LDB2: variants seen among roughly 807,000 people sequenced by gnomAD.
LDB2 encodes the protein LIM domain-binding protein 2.
Under a neutral mutation model 44.3 loss-of-function variants are expected in LDB2, and 12 were observed. The observed-to-expected ratio is 0.27, with a 90% CI of 0.17 to 0.44. The LOEUF (loss-of-function observed/expected upper bound fraction) is 0.44, where lower values mean the gene tolerates loss of function less well. LDB2 is among the 20% of genes least tolerant of loss of function. The pLI, the probability that LDB2 is intolerant of heterozygous loss-of-function variation, is 1.00. For synonymous variants in LDB2, 164 were observed against 174.8 expected, an observed-to-expected ratio of 0.94 and a Z score of 0.49; for missense variants, 344 against 473.5, an observed-to-expected ratio of 0.73 and a Z score of 2.54.
intron 2 of LDB2, among the ~76,000 whole-genome samples, chr4:16,631,282 A>C (rs562968911): frequency 6.6e-6 from 1 of 152,312 alleles, no homozygotes; most frequent in East Asian, 1.9e-4. Flanking sequence ...TAAGAAACTC[A>C]CTCGAAACCA....
chr4:16,823,495 A>C (rs911169836), intron 1 of LDB2, among the ~76,000 whole-genome samples: 2 of 151,492 alleles, frequency 1.3e-5, no homozygotes, highest in Non-Finnish European at 1.5e-5. Flanking sequence ...TTTTAAGTAC[A>C]TTTTTTTTTA....
rs575652563 is a variant in LDB2, at chr4:16,891,407, G to C, written c.132+6947C>G. Among the ~76,000 whole-genome samples the C allele has an allele frequency of 4.7e-4, 69 of 147,056 alleles. 1 individual carries two copies. In the South Asian group the frequency reaches 0.012, roughly 25 times the overall value. On this transcript the variant is annotated intron_variant, in intron 1 of 7. Coordinates refer to ENST00000304523, the MANE Select transcript of LDB2 (RefSeq NM_001290.5). ...GGCTCACTGCAGCCTCCGTCTCCCA[G>C]GTTCAAACAATTCTCCTGCCTCAGC... is the stretch of plus-strand genomic sequence containing the variant.
chr4:16,573,432 A>C (rs1185294494), intron 5 of LDB2, among the ~76,000 whole-genome samples: 1 of 152,166 alleles, frequency 6.6e-6, no homozygotes, highest in Non-Finnish European at 1.5e-5. Flanking sequence ...GAGATGAGTC[A>C]TGCACTCCCA....
chr4:16,766,183 T>C (rs553952079), intron 1 of LDB2, among the ~76,000 whole-genome samples: 8 of 152,216 alleles, frequency 5.3e-5, no homozygotes, highest in South Asian at 4.1e-4. Flanking sequence ...CCTCCATAAA[T>C]AACTGTCTCA....
chr4:16,579,699 CAT>C (rs770695266), intron 5 of LDB2, among the ~76,000 whole-genome samples: 6 of 152,138 alleles, frequency 3.9e-5, no homozygotes, highest in Admixed American at 6.5e-5. Flanking sequence ...AAATGAATCA[CAT>C]GTTTTTTTCT....
intron 1 of LDB2, among the ~76,000 whole-genome samples, chr4:16,826,911 A>G (rs937844316): frequency 2.0e-5 from 3 of 152,184 alleles, no homozygotes; most frequent in Admixed American, 2.0e-4. Context: ...AACTGCAACA[A>G]CTCGGCGGGT....
At position 16,656,768 on chromosome 4, in the gene LDB2, T is replaced by C. The variant is rs149877934; in HGVS notation, c.236-60893A>G. ...TTGATTCAGCGTGATTTTTTTTCTT[T>C]GTACTATATAACATTGTAATGTGCT... is the stretch of plus-strand genomic sequence containing the variant. On this transcript the variant is annotated intron_variant, in intron 2 of 7. Coordinates refer to ENST00000304523, the MANE Select transcript of LDB2 (RefSeq NM_001290.5). 3.4e-3 allele frequency among the ~76,000 whole-genome samples: 519 copies of C among 152,336 alleles called. 3 individuals are homozygous for C. The highest frequency in any genetic ancestry group is 0.012 in the African/African-American group (504 of 41,580).
At chr4:16,538,455 T>A (rs902730071) in intron 5 of LDB2, among the ~76,000 whole-genome samples, 10 of 122,974 alleles carry the variant, frequency 8.1e-5, no homozygotes, top group African/African-American at 2.9e-4. Context: ...CAAAACACAA[T>A]GACCAAGATT....
intron 1 of LDB2, among the ~76,000 whole-genome samples, chr4:16,885,649 C>T (rs1721446968): frequency 6.6e-6 from 1 of 152,186 alleles, no homozygotes; most frequent in South Asian, 2.1e-4. Flanking sequence ...AACATTAATT[C>T]AAGCTTCCTC....
At chr4:16,504,954 A>G (rs1182638453) in intron 7 of LDB2, among the ~76,000 whole-genome samples, 1 of 152,234 alleles carries the variant, frequency 6.6e-6, no homozygotes, top group African/African-American at 2.4e-5. Flanking sequence ...ATGTTAACCA[A>G]CCAAGTGGGT....
At chr4:16,849,592 C>T (rs1787782196) in intron 1 of LDB2, among the ~76,000 whole-genome samples, 4 of 152,186 alleles carry the variant, frequency 2.6e-5, no homozygotes, top group Non-Finnish European at 5.9e-5. Flanking sequence ...TCCTTCAAAT[C>T]CCTCTGGTCC....
At chr4:16,808,793 G>A (rs184224054) in intron 1 of LDB2, among the ~76,000 whole-genome samples, 16 of 152,268 alleles carry the variant, frequency 1.1e-4, no homozygotes, top group Admixed American at 2.6e-4. Flanking sequence ...TATCAGAACA[G>A]TGTTTTGCAT....
At chr4:16,702,205 G>GA (rs1021245621) in intron 2 of LDB2, among the ~76,000 whole-genome samples, 23 of 152,146 alleles carry the variant, frequency 1.5e-4, no homozygotes, top group African/African-American at 5.5e-4. Flanking sequence ...AGATCAGAAG[G>GA]AAAAAACATC....
intron 5 of LDB2, among the ~76,000 whole-genome samples, chr4:16,518,741 G>A (rs1419773287): frequency 2.6e-5 from 4 of 152,176 alleles, no homozygotes; most frequent in East Asian, 1.9e-4. Context: ...GACTTGTTAC[G>A]TCTCCATAAT....
chr4:16,890,353 G>T (rs570472597), intron 1 of LDB2, among the ~76,000 whole-genome samples: 1 of 152,182 alleles, frequency 6.6e-6, no homozygotes, highest in Admixed American at 6.5e-5. Flanking sequence ...AGATGGAAAG[G>T]GGGGGCACGG....
At chr4:16,535,860 C>T (rs1465175891) in intron 5 of LDB2, among the ~76,000 whole-genome samples, 1 of 152,024 alleles carries the variant, frequency 6.6e-6, no homozygotes, top group Non-Finnish European at 1.5e-5. Flanking sequence ...TTTCTATGGT[C>T]CCAAGTAAGA....
intron 2 of LDB2, among the ~76,000 whole-genome samples, chr4:16,708,913 C>T (rs999845774): frequency 3.3e-5 from 5 of 152,098 alleles, no homozygotes; most frequent in Admixed American, 6.6e-5. Flanking sequence ...CCTCACTCTG[C>T]AGGTCTCTAC....
rs990344234 is a variant in LDB2, at chr4:16,674,375, T to C, written c.236-78500A>G. On this transcript the variant is annotated intron_variant, in intron 2 of 7. Coordinates refer to ENST00000304523, the MANE Select transcript of LDB2 (RefSeq NM_001290.5). Reference sequence around the variant, plus strand: ...GATGCAAAGATAAGAGCAGTTGCCCTGGAGGCGGTGTTAGAAGCAGGGACC... The same window carrying C: ...GATGCAAAGATAAGAGCAGTTGCCCCGGAGGCGGTGTTAGAAGCAGGGACC... 7.9e-5 allele frequency: 64 copies of C among 806,600 alleles called. No homozygotes were observed. In the East Asian group the frequency reaches 3.6e-3, roughly 45 times the overall value. 50.0% of individuals were successfully genotyped at this position (806,600 alleles called of 1,614,324 possible).
At chr4:16,795,695 G>T (rs1776604540) in intron 1 of LDB2, among the ~76,000 whole-genome samples, 2 of 152,126 alleles carry the variant, frequency 1.3e-5, no homozygotes, top group Non-Finnish European at 2.9e-5. Flanking sequence ...TCTGTAATTT[G>T]TTTGTCTTTC....
Sources: allele counts gnomAD v4.1 joint callset (sites outside exome capture counted in the v4.1 genomes callset), GRCh38; gene constraint gnomAD v4.1.1; transcripts MANE v1.5; gene names NCBI Gene and HGNC (gene_info 2026-07-23, HGNC 2026-07-21).